The following PLAT variants were observed in gnomAD, a reference collection of about 807,000 sequenced individuals.
PLAT encodes tissue-type plasminogen activator.
In PLAT, 48 loss-of-function variants were observed where a neutral mutation model predicts 74.9. The ratio of observed to expected loss-of-function variants is 0.64; its 90% CI spans 0.51 to 0.82. The LOEUF is 0.82. Ranked by LOEUF, PLAT falls within the 40% of genes least tolerant of loss-of-function variation. The probability of loss-of-function intolerance (pLI) is 0.00; values close to 1 mark genes in which losing one functional copy is unlikely to be tolerated. For synonymous variants in PLAT, 307 were observed against 294.4 expected, an observed-to-expected ratio of 1.04 and a Z score of -0.44; for missense variants, 673 against 736.2, an observed-to-expected ratio of 0.91 and a Z score of 0.99.
At chr8:42,182,070 T>A (rs1220620074) in intron 8 of PLAT, 48 bp from the exon 9 acceptor site, 3 of 1,239,038 alleles carry the variant, frequency 2.4e-6, no homozygotes, top group Middle Eastern at 1.9e-4. Flanking sequence ...TCTTATTTTT[T>A]AATTTTTGTA....
intron 7 of PLAT, among the ~76,000 whole-genome samples, chr8:42,183,683 G>A (rs1805339355): frequency 1.3e-5 from 2 of 151,996 alleles, no homozygotes; most frequent in Admixed American, 1.3e-4. Flanking sequence ...CTCCCGACCT[G>A]AAACTGACAA....
In PLAT at chr8:42,182,798, T is replaced by C. The variant is rs761107755; in HGVS notation, c.724A>G (p.Met242Val). The change falls in exon 8 of 14, where the codon ATG becomes GTG. Residue 242 changes from methionine to valine, a missense_variant. Physicochemically the swap from Met to Val is conservative, Grantham distance 21. Transcript: ENST00000220809. ...SGASCLPWNS[M>V]ILIGKVYTAQ... is the part of the protein sequence containing the mutation. ...GTGTAAACCTTGCCTATCAGGATCA[T>C]GGAATTCCACGGGAGGCAGGAGGCA... 8.1e-6 allele frequency: 13 copies of C among 1,613,860 alleles called. No homozygotes were observed. In the South Asian group the frequency reaches 1.4e-4, roughly 18 times the overall value.
chr8:42,187,700 T>A, intron 5 of PLAT, 128 bp from the exon 6 acceptor site: 1 of 924,872 alleles, frequency 1.1e-6, no homozygotes, highest in Non-Finnish European at 1.6e-6. Context: ...ACAGGCTGGG[T>A]GGCAAGGGTG....
intron 3 of PLAT, among the ~76,000 whole-genome samples, chr8:42,189,889 G>A (rs1805619728): frequency 1.3e-5 from 2 of 150,636 alleles, no homozygotes; most frequent in South Asian, 2.1e-4. Flanking sequence ...ATGAGCCACC[G>A]TGCCCAGCCT....
chr8:42,187,964 G>A lies in PLAT; in HGVS notation c.306C>T (p.Tyr102=). 1.2e-6 allele frequency: 2 copies of A among 1,613,884 alleles called. No individual in the cohort carries two copies. Among genetic ancestry groups the A allele is most frequent in the Non-Finnish European group, 1.7e-6 (2 of 1,179,770 alleles). Residue 102 remains tyrosine (Y), a synonymous_variant, in exon 5 of 14, where the codon TAC becomes TAT. Transcript: ENST00000220809. ...FNGGTCQQAL[Y]FSDFVCQCPE... is the part of the protein sequence containing the mutation. ...GGCACTGGCACACGAAATCTGAGAA[G>A]TACAGGGCCTGCTGGCAGGTGCCCC...
intron 1 of PLAT, among the ~76,000 whole-genome samples, chr8:42,196,209 C>T (rs1202592717): frequency 2.0e-5 from 3 of 152,150 alleles, no homozygotes; most frequent in East Asian, 3.8e-4. Context: ...ACATACCACC[C>T]GCTGCATCAT....
chr8:42,191,467 G>A, intron 2 of PLAT, 53 bp from the exon 3 acceptor site: 1 of 1,574,802 alleles, frequency 6.3e-7, no homozygotes. Context: ...GGTGTACTAA[G>A]AGTAAAGGCG....
chr8:42,184,377 T>G (rs1045202241), intron 7 of PLAT, among the ~76,000 whole-genome samples: 2 of 152,150 alleles, frequency 1.3e-5, no homozygotes, highest in African/African-American at 4.8e-5. Flanking sequence ...TTCTTTTTTT[T>G]GAAACAGTTT....
chr8:42,182,700 C>A lies in PLAT; in HGVS notation c.803+19G>T. The A allele has an allele frequency of 6.3e-7, 1 of 1,584,434 alleles. No individual in the cohort carries two copies. Among genetic ancestry groups the A allele is most frequent in the Non-Finnish European group, 8.6e-7 (1 of 1,164,282 alleles). ...CACGTTCTGCCAAGACCTGAACCCCCCACCCCTGTGCTACCTACCGGCAGT... is the reference window on the plus strand; with the variant it reads ...CACGTTCTGCCAAGACCTGAACCCCACACCCCTGTGCTACCTACCGGCAGT... On this transcript the variant is annotated intron_variant, in intron 8 of 13. Transcript: ENST00000220809.
intron 6 of PLAT, chr8:42,185,586 A>C (rs1236309456): frequency 6.4e-6 from 1 of 156,948 alleles, no homozygotes. Context: ...TTGGTTGTAC[A>C]CTGGTAGTTC....
At position 42,192,164 on chromosome 8, in the gene PLAT, C is replaced by T. The variant is rs545805662; in HGVS notation, c.73-750G>A. On this transcript the variant is annotated intron_variant, in intron 2 of 13. Transcript: ENST00000220809. ...GACCACAGGTGCATACTAGTACACC[C>T]GGCTAATTTTTAAATTTTTTGTAGA... is the stretch of plus-strand genomic sequence containing the variant. Among the ~76,000 whole-genome samples, 3 of 151,982 alleles carry T rather than the reference C, an allele frequency of 2.0e-5. No homozygotes were observed. The South Asian group carries it at 6.2e-4, about 32-fold the overall frequency.
intron 1 of PLAT, among the ~76,000 whole-genome samples, chr8:42,199,393 G>A (rs1806041570): frequency 6.6e-6 from 1 of 152,120 alleles, no homozygotes; most frequent in African/African-American, 2.4e-5. Flanking sequence ...CATCACTTGA[G>A]GCGAGGAGTT....
Position 42,185,159 on chromosome 8 carries a change from C to G in PLAT, c.553G>C (p.Asp185His), listed in dbSNP as rs951313176. ...NHNYCRNPDR[D>H]SKPWCYVFKA... ...AAGACGTAGCACCAGGGCTTTGAGT[C>G]TCGATCTGGGTTTCTGAAAAATCAG... Residue 185 changes from aspartate (D) to histidine (H), a missense_variant, in exon 7 of 14, where the codon GAC becomes CAC. Asp to His is a moderately conservative substitution (Grantham distance 81). Coordinates refer to ENST00000220809, the MANE Select transcript of PLAT (RefSeq NM_000930.5). 6.2e-7 allele frequency: 1 copy of G among 1,611,492 alleles called. No individual in the cohort carries two copies. Among genetic ancestry groups the G allele is most frequent in the Non-Finnish European group, 8.5e-7 (1 of 1,178,838 alleles).
intron 1 of PLAT, chr8:42,193,815 ATGCCATT>A (rs1805780805): frequency 6.6e-6 from 1 of 151,586 alleles, no homozygotes; most frequent in South Asian, 2.1e-4. Flanking sequence ...TCCCGGGTTC[ATGCCATT>A]CTCATGTCTC....
chr8:42,182,000 G>A lies in PLAT; in HGVS notation c.826C>T (p.Pro276Ser), dbSNP rs367827951. The stretch of plus-strand genomic sequence containing the variant: ...CGGTTCTTCAGCACGTGGCACCAGG[G>A]CTTGGCATCCCCATCAGGATTCCTA... ...YCRNPDGDAK[P>S]WCHVLKNRRL... Residue 276 changes from proline to serine, a missense_variant, in exon 9 of 14, where the codon CCC becomes TCC. Coordinates refer to ENST00000220809, the MANE Select transcript of PLAT (RefSeq NM_000930.5). 5 of 1,608,320 alleles carry A rather than the reference G, an allele frequency of 3.1e-6. No homozygotes were observed. The highest frequency in any genetic ancestry group is 4.3e-6 in the Non-Finnish European group (5 of 1,174,652).
chr8:42,197,928 C>T (rs1214563586), intron 1 of PLAT, among the ~76,000 whole-genome samples: 1 of 152,236 alleles, frequency 6.6e-6, no homozygotes, highest in Non-Finnish European at 1.5e-5. Flanking sequence ...CCGGTGCTGA[C>T]ATCCTGCGGT....
At chr8:42,178,807 T>A in intron 13 of PLAT, 90 bp downstream of exon 13, 1 of 1,249,798 alleles carries the variant, frequency 8.0e-7, no homozygotes. Context: ...TCCACTCTGG[T>A]GATAACTTTT....
chr8:42,185,087 A>G lies in PLAT; in HGVS notation c.625T>C (p.Ser209Pro), dbSNP rs1021521780. ...CGGGGTGGCTGCCACTTACCCTCAG[A>G]GCAGGCAGGGGTGCTGCAGAACTCT... ...SSEFCSTPAC[S>P]EGNSDCYFGN... The change falls in exon 7 of 14, where the codon TCT becomes CCT. Residue 209 changes from serine to proline, a missense_variant. Ser to Pro is a moderately conservative substitution (Grantham distance 74). Coordinates refer to ENST00000220809, the MANE Select transcript of PLAT (RefSeq NM_000930.5). 4.4e-6 allele frequency: 7 copies of G among 1,602,528 alleles called. No individual in the cohort carries two copies. Among genetic ancestry groups the G allele is most frequent in the Non-Finnish European group, 6.0e-6 (7 of 1,174,538 alleles).
intron 7 of PLAT, among the ~76,000 whole-genome samples, chr8:42,183,680 C>T (rs1805339265): frequency 1.3e-5 from 2 of 151,886 alleles, no homozygotes; most frequent in Admixed American, 1.3e-4. Context: ...TTTCTCCCGA[C>T]CTGAAACTGA....
Sources: gnomAD v4.1 joint callset for allele counts (sites outside exome capture counted in the v4.1 genomes callset) on GRCh38, gnomAD v4.1.1 for gene constraint, MANE v1.5 for transcripts, NCBI Gene and HGNC (gene_info 2026-07-23, HGNC 2026-07-21) for gene names.